The following LRFN5 variants were observed in gnomAD, a reference collection of about 807,000 sequenced individuals.
LRFN5 encodes the protein leucine rich repeat and fibronectin type III domain containing 5, also known as leucine-rich repeat and fibronectin type-III domain-containing protein 5.
A neutral mutation model predicts 45.6 loss-of-function variants in LRFN5; 24 were observed. That is an observed-to-expected ratio of 0.53 (90% CI 0.38 to 0.74). The LOEUF (loss-of-function observed/expected upper bound fraction) is 0.74, where lower values mean the gene tolerates loss of function less well. Among genes scored for constraint, LRFN5 ranks in the 30% least tolerant of loss-of-function variants. The probability of loss-of-function intolerance (pLI) is 0.00; values close to 1 mark genes in which losing one functional copy is unlikely to be tolerated. For missense variants in LRFN5, 776 were observed against 861.5 expected (o/e 0.90, Z 1.24); for synonymous variants, 340 against 313.8 (o/e 1.08, Z -0.88).
At chr14:41,898,443 T>C (rs1891007276) in intron 4 of LRFN5, among the ~76,000 whole-genome samples, 1 of 152,070 alleles carries the variant, frequency 6.6e-6, no homozygotes, top group Non-Finnish European at 1.5e-5. Context: ...TATTGAATGA[T>C]GGTTAATATT....
At chr14:41,655,525 G>A (rs914700453) in intron 1 of LRFN5, among the ~76,000 whole-genome samples, 1 of 152,006 alleles carries the variant, frequency 6.6e-6, no homozygotes, top group South Asian at 2.1e-4. Flanking sequence ...TTTGGAACTT[G>A]GTTAAGGCTT....
intron 2 of LRFN5, among the ~76,000 whole-genome samples, chr14:41,794,769 A>G (rs1206871011): frequency 6.6e-6 from 1 of 152,026 alleles, no homozygotes; most frequent in Non-Finnish European, 1.5e-5. Context: ...TGAGTTCAGG[A>G]ATTTTTCTAG....
intron 1 of LRFN5, among the ~76,000 whole-genome samples, chr14:41,754,018 T>C (rs1417521262): frequency 6.6e-6 from 1 of 152,252 alleles, no homozygotes; most frequent in African/African-American, 2.4e-5. Flanking sequence ...TCTATTGAGA[T>C]AAACATGTGG....
chr14:41,704,108 G>A (rs1882948683), intron 1 of LRFN5, among the ~76,000 whole-genome samples: 1 of 152,164 alleles, frequency 6.6e-6, no homozygotes, highest in Non-Finnish European at 1.5e-5. Context: ...AAAGAAGTGT[G>A]TGGGCTAACA....
chr14:41,693,814 C>G (rs1217190308), intron 1 of LRFN5, among the ~76,000 whole-genome samples: 1 of 151,926 alleles, frequency 6.6e-6, no homozygotes, highest in Non-Finnish European at 1.5e-5. Context: ...TGATTAAAAA[C>G]AGAAAGAATA....
intron 2 of LRFN5, among the ~76,000 whole-genome samples, chr14:41,770,866 T>C (rs915343870): frequency 1.3e-5 from 2 of 151,998 alleles, no homozygotes; most frequent in Non-Finnish European, 1.5e-5. Flanking sequence ...TTCCATACTT[T>C]CCCTCAGCAT....
chr14:41,883,194 A>G (rs1028651084), intron 2 of LRFN5, among the ~76,000 whole-genome samples: 1 of 146,412 alleles, frequency 6.8e-6, no homozygotes, highest in African/African-American at 2.5e-5. Flanking sequence ...TGGAAGTTAG[A>G]TTCTTTAAGT....
At chr14:41,653,347 T>C (rs1880219868) in intron 1 of LRFN5, among the ~76,000 whole-genome samples, 1 of 152,126 alleles carries the variant, frequency 6.6e-6, no homozygotes, top group Non-Finnish European at 1.5e-5. Context: ...GTATAAGGTG[T>C]AAGGTAGGGT....
At chr14:41,832,567 G>A (rs1243578840) in intron 2 of LRFN5, among the ~76,000 whole-genome samples, 2 of 152,078 alleles carry the variant, frequency 1.3e-5, no homozygotes, top group Admixed American at 1.3e-4. Flanking sequence ...GGGTCATTAG[G>A]GGTAATCATG....
chr14:41,733,828 A>G (rs1884285512), intron 1 of LRFN5, among the ~76,000 whole-genome samples: 1 of 151,326 alleles, frequency 6.6e-6, no homozygotes, highest in South Asian at 2.1e-4. Flanking sequence ...TAAAAAAATT[A>G]TTGATTTATG....
chr14:41,865,843 G>T (rs992552249), intron 2 of LRFN5, among the ~76,000 whole-genome samples: 1 of 152,018 alleles, frequency 6.6e-6, no homozygotes, highest in African/African-American at 2.4e-5. Flanking sequence ...ATTTATAGAT[G>T]ATTTGTATAT....
chr14:41,663,945 CTT>C (rs1880776144), intron 1 of LRFN5, among the ~76,000 whole-genome samples: 1 of 151,868 alleles, frequency 6.6e-6, no homozygotes, highest in African/African-American at 2.4e-5. Context: ...TAGAAATAGA[CTT>C]ATATTGGATT....
rs191711037 is a variant in LRFN5 at position 41,883,489 on chromosome 14, T to G, written c.-20-3117T>G. On this transcript the variant is annotated intron_variant, in intron 2 of 5. Coordinates refer to ENST00000298119, the MANE Select transcript of LRFN5 (RefSeq NM_152447.5). ...AGACACTATCCTTTACATTTTCATA[T>G]AAGTGCAGGTTTGCTGGTGAAGAAA... Among the ~76,000 whole-genome samples, 769 of 152,334 alleles carry G rather than the reference T, an allele frequency of 5.0e-3. 8 individuals are homozygous for G. Among genetic ancestry groups the G allele is most frequent in the African/African-American group, 0.018 (750 of 41,590 alleles).
intron 2 of LRFN5, among the ~76,000 whole-genome samples, chr14:41,779,845 G>A (rs555921280): frequency 6.6e-6 from 1 of 151,960 alleles, no homozygotes; most frequent in East Asian, 1.9e-4. Context: ...GTAGTAATTT[G>A]TGTCTTATCT....
chr14:41,688,266 A>G (rs1171617153), intron 1 of LRFN5, among the ~76,000 whole-genome samples: 3 of 152,136 alleles, frequency 2.0e-5, no homozygotes, highest in Admixed American at 6.5e-5. Context: ...TGGGGTGACT[A>G]TAGTCAATAA....
At chr14:41,620,792 T>C (rs1242573274) in intron 1 of LRFN5, among the ~76,000 whole-genome samples, 1 of 152,118 alleles carries the variant, frequency 6.6e-6, no homozygotes, top group East Asian at 1.9e-4. Flanking sequence ...AAGTGTTGTC[T>C]GTACCATCAC....
chr14:41,813,389 C>A (rs1412232221), intron 2 of LRFN5, among the ~76,000 whole-genome samples: 1 of 152,094 alleles, frequency 6.6e-6, no homozygotes, highest in African/African-American at 2.4e-5. Context: ...GTTCCCCTCC[C>A]TGTGCCCATA....
At chr14:41,755,190 T>A (rs949699290) in intron 1 of LRFN5, among the ~76,000 whole-genome samples, 1 of 152,198 alleles carries the variant, frequency 6.6e-6, no homozygotes, top group African/African-American at 2.4e-5. Context: ...TCCAACTATG[T>A]GGTCAATTTT....
Position 41,695,407 on chromosome 14 carries a change from A to G in LRFN5, c.-196-71447A>G, listed in dbSNP as rs953619250. 3.3e-5 allele frequency among the ~76,000 whole-genome samples: 5 copies of G among 152,110 alleles called. No homozygotes were observed. The East Asian group carries it at 7.7e-4, about 24-fold the overall frequency. ...GGCTACACTAAATAGCAGATTTTCA[A>G]TATAGACAAAACTACCTTCTATTGG... On this transcript the variant is annotated intron_variant, in intron 1 of 5. Transcript: ENST00000298119.
Sources: gnomAD v4.1 joint callset for allele counts (sites outside exome capture counted in the v4.1 genomes callset) on GRCh38, gnomAD v4.1.1 for gene constraint, MANE v1.5 for transcripts, NCBI Gene and HGNC (gene_info 2026-07-23, HGNC 2026-07-21) for gene names.